XAB2: variants seen among roughly 807,000 people sequenced by gnomAD.
The protein encoded by XAB2 is XPA binding protein 2, also known as pre-mRNA-splicing factor SYF1.
Under a neutral mutation model 113.4 loss-of-function variants are expected in XAB2, and 57 were observed. That is an observed-to-expected ratio of 0.50 (90% CI 0.41 to 0.63). The LOEUF (loss-of-function observed/expected upper bound fraction) is 0.63, where lower values mean the gene tolerates loss of function less well. Ranked by LOEUF, XAB2 falls within the 20% of genes least tolerant of loss-of-function variation. The pLI is 0.00. For missense variants in XAB2, 1,037 were observed against 1,233.3 expected, an observed-to-expected ratio of 0.84 and a Z score of 2.38; for synonymous variants, 497 against 498.8, an observed-to-expected ratio of 1.00 and a Z score of 0.05.
chr19:7,620,820 C>T lies in XAB2; in HGVS notation c.1971+26G>A, dbSNP rs774244443. The T allele has an allele frequency of 2.9e-5, 46 of 1,564,392 alleles. No individual in the cohort carries two copies. In the South Asian group the frequency reaches 5.3e-4, roughly 18 times the overall value. The stretch of plus-strand genomic sequence containing the variant: ...TCCGTCTGCTCAGGGACCTCTGGCC[C>T]CGGCCCAGCCCCCCACGGTGGGTAC... On this transcript the variant is annotated intron_variant, in intron 14 of 18. Transcript: ENST00000358368.
At chr19:7,622,020 T>C (rs772801158) in intron 12 of XAB2, 3 of 309,498 alleles carry the variant, frequency 9.7e-6, no homozygotes, top group Non-Finnish European at 1.8e-5. Flanking sequence ...CCTAATCCAT[T>C]ATGACTGATG....
rs746021238 is a variant in XAB2, at chr19:7,621,106, ACCC to A, written c.1780+26_1780+28del. The A allele has an allele frequency of 3.0e-3, 2,066 of 682,680 alleles. 5 individuals carry two copies. Among genetic ancestry groups the A allele is most frequent in the Non-Finnish European group, 3.9e-3 (1,933 of 498,310 alleles). The allele number at this position is 682,680 out of a possible 1,614,324, so 42.3% of individuals were successfully genotyped here. A position where few individuals can be genotyped will look rare whatever the true frequency, so the allele number is the denominator to read the frequency against. On this transcript the variant is annotated intron_variant, in intron 13 of 18. Coordinates refer to ENST00000358368, the MANE Select transcript of XAB2 (RefSeq NM_020196.3). Reference sequence around the variant, plus strand: ...CAGTCAGAAACCCAGCCCGCCCGCCACCCCCCCCATGCCCTCTGCCCGCCTCAC... The same window carrying A: ...CAGTCAGAAACCCAGCCCGCCCGCCACCCCCATGCCCTCTGCCCGCCTCAC...
In XAB2 at chr19:7,627,587, C is replaced by T. The variant is rs1009357895; in HGVS notation, c.324+141G>A. The stretch of plus-strand genomic sequence containing the variant: ...AAACCCCCAGCTCCAGGACTGAGTC[C>T]AGCCCAACTTCCCATGCAAAGAAGC... On this transcript the variant is annotated intron_variant, in intron 3 of 18. Transcript: ENST00000358368. The surrounding 1 kb of genome is among the most constrained non-coding windows in gnomAD (Gnocchi z 4.5). 9.2e-6 allele frequency: 14 copies of T among 1,524,946 alleles called. No homozygotes were observed. In the Admixed American group the frequency reaches 2.5e-4, roughly 27 times the overall value. 94.5% of individuals were successfully genotyped at this position (1,524,946 alleles called of 1,614,324 possible). A position where few individuals can be genotyped will look rare whatever the true frequency, so the allele number is the denominator to read the frequency against.
In XAB2 at chr19:7,627,626, GC is replaced by G; in HGVS notation, c.324+101del. The G allele has an allele frequency of 6.4e-7, 1 of 1,557,478 alleles. No homozygotes were observed. The highest frequency in any genetic ancestry group is 8.7e-7 in the Non-Finnish European group (1 of 1,147,446). ...ATGCAAAGAAGCAACAGGAATCCAA[GC>G]CCCCATCCCTAACATGCTGAGCCCA... On this transcript the variant is annotated intron_variant, in intron 3 of 18. Transcript: ENST00000358368. The surrounding 1 kb of genome is among the most constrained non-coding windows in gnomAD (Gnocchi z 4.5).
intron 16 of XAB2, 37 bp from the exon 17 acceptor site, chr19:7,620,112 C>G: frequency 6.2e-7 from 1 of 1,603,990 alleles, no homozygotes; most frequent in Non-Finnish European, 8.5e-7. Context: ...GCCACGGGGG[C>G]CCCTCCCACA....
chr19:7,620,637 G>A lies in XAB2; in HGVS notation c.2004C>T (p.Cys668=). 1 of 1,613,084 alleles carries A rather than the reference G, an allele frequency of 6.2e-7. No individual in the cohort carries two copies. The highest frequency in any genetic ancestry group is 8.5e-7 in the Non-Finnish European group (1 of 1,179,958). ...TGCACTCCATGTCTGCAAACCGCAG[G>A]CACATCTCACGCGCGTGCTCGTCCG... The part of the protein sequence containing the change: ...VLSDEHAREM[C]LRFADMECKL... The change falls in exon 15 of 19, where the codon TGC becomes TGT. Residue 668 remains cysteine, a synonymous_variant. Transcript: ENST00000358368.
chr19:7,627,660 T>TCCCCCCCCCCC lies in XAB2; in HGVS notation c.324+67_324+68insGGGGGGGGGGG. ...CCTAACATGCTGAGCCCAGCCCCTG[T>TCCCCCCCCCCC]CCCCGCCCCACCCACCACCATGGAC... On this transcript the variant is annotated intron_variant, in intron 3 of 18. Transcript: ENST00000358368. This position sits in a 1 kb window ranked among gnomAD's most constrained non-coding sequence, Gnocchi z 4.5. 48 of 1,572,196 alleles carry TCCCCCCCCCCC rather than the reference T, an allele frequency of 3.1e-5. No individual in the cohort carries two copies. The highest frequency in any genetic ancestry group is 2.1e-4 in the Middle Eastern group (1 of 4,676).
Position 7,623,282 on chromosome 19 carries a change from T to G in XAB2, c.1127A>C (p.Asn376Thr). The change falls in exon 9 of 19, where the codon AAC (asparagine) becomes ACC (threonine). Residue 376 changes from asparagine (N) to threonine (T), a missense_variant. Coordinates refer to ENST00000358368, the MANE Select transcript of XAB2 (RefSeq NM_020196.3). The surrounding 1 kb of genome is among the most constrained non-coding windows in gnomAD (Gnocchi z 4.6). ...CGTCTGCACAGCCTCTGTGTAGGTG[T>G]TGATGATCTGGGGACAGGAGGGAGG... ...LHQGRPREII[N>T]TYTEAVQTVD... is the part of the protein sequence containing the mutation. 1 of 1,613,420 alleles carries G rather than the reference T, an allele frequency of 6.2e-7. No homozygotes were observed.
rs745659658 is a variant in XAB2 at position 7,619,602 on chromosome 19, C to G, written c.2552G>C (p.Ser851Thr). ...AGGGACGGGTCAGTCTTCCTTCAGG[C>G]TCCCAAACACTGCGGCTGGCACGCT... ...QQSVPAAVFG[S>T]LKED is the part of the protein sequence containing the mutation. The change falls in exon 19 of 19, where the codon AGC becomes ACC. Residue 851 changes from serine to threonine, a missense_variant. Ser to Thr is a moderately conservative substitution (Grantham distance 58, BLOSUM62 1). Transcript: ENST00000358368. The G allele has an allele frequency of 6.3e-7, 1 of 1,599,696 alleles. No homozygotes were observed.
rs1162284949 is a variant in XAB2 at position 7,624,788 on chromosome 19, G to A, written c.823-343C>T. Among the ~76,000 whole-genome samples, 1 of 152,160 alleles carries A rather than the reference G, an allele frequency of 6.6e-6. No individual in the cohort carries two copies. Among genetic ancestry groups the A allele is most frequent in the African/African-American group, 2.4e-5 (1 of 41,432 alleles). ...CCCCCAGCGCCTATGGGTCCACCCT[G>A]CAGGGACCCTCGCCTCAGCTCATCC... On this transcript the variant is annotated intron_variant, in intron 6 of 18. Coordinates refer to ENST00000358368, the MANE Select transcript of XAB2 (RefSeq NM_020196.3). This position sits in a 1 kb window ranked among gnomAD's most constrained non-coding sequence, Gnocchi z 4.2.
In XAB2 at chr19:7,628,135, T is replaced by C; in HGVS notation, c.200+15A>G. On this transcript the variant is annotated intron_variant, in intron 2 of 18. Transcript: ENST00000358368. The surrounding 1 kb of genome is among the most constrained non-coding windows in gnomAD (Gnocchi z 4.6). The stretch of plus-strand genomic sequence containing the variant: ...GGTGGGGGCTGGTGGGCAGGGCAGC[T>C]GGAGCCATTCCCACCTGCAGGGCAG... 1 of 1,608,496 alleles carries C rather than the reference T, an allele frequency of 6.2e-7. No individual in the cohort carries two copies.
rs545509875 is a variant in XAB2 at position 7,628,320 on chromosome 19, A to G, written c.52-22T>C. On this transcript the variant is annotated intron_variant, in intron 1 of 18. Coordinates refer to ENST00000358368, the MANE Select transcript of XAB2 (RefSeq NM_020196.3). This position sits in a 1 kb window ranked among gnomAD's most constrained non-coding sequence, Gnocchi z 4.6. ...CCTCCTGCCAGGGCCAGGGAATGGG[A>G]AGAAGAGAGGCCTACCCTCAGAGCC... 3 of 1,613,572 alleles carry G rather than the reference A, an allele frequency of 1.9e-6. No homozygotes were observed. The South Asian group carries it at 3.3e-5, about 18-fold the overall frequency.
Position 7,628,002 on chromosome 19 carries a change from G to A in XAB2, c.200+148C>T, listed in dbSNP as rs780577064. The A allele has an allele frequency of 1.0e-5, 15 of 1,459,754 alleles. No homozygotes were observed. The Admixed American group carries it at 2.8e-4, about 27-fold the overall frequency. 90.4% of individuals were successfully genotyped at this position (1,459,754 alleles called of 1,614,324 possible). A position where few individuals can be genotyped will look rare whatever the true frequency, so the allele number is the denominator to read the frequency against. On this transcript the variant is annotated intron_variant, in intron 2 of 18. Coordinates refer to ENST00000358368, the MANE Select transcript of XAB2 (RefSeq NM_020196.3). This position sits in a 1 kb window ranked among gnomAD's most constrained non-coding sequence, Gnocchi z 4.6. ...GACAGGGACAGACTGGGACATCAGA[G>A]AAGGTGTGCTGACCCATCAAGGGAT...
chr19:7,619,595 C>A lies in XAB2; in HGVS notation c.2559G>T (p.Lys853Asn). 6.3e-7 allele frequency: 1 copy of A among 1,596,480 alleles called. No individual in the cohort carries two copies. The highest frequency in any genetic ancestry group is 8.5e-7 in the Non-Finnish European group (1 of 1,171,396). ...SVPAAVFGSLKED is the reference protein window; with the variant it reads ...SVPAAVFGSLNED Reference sequence around the variant, plus strand: ...ATGGGGGAGGGACGGGTCAGTCTTCCTTCAGGCTCCCAAACACTGCGGCTG... The same window carrying A: ...ATGGGGGAGGGACGGGTCAGTCTTCATTCAGGCTCCCAAACACTGCGGCTG... The change falls in exon 19 of 19, where the codon AAG becomes AAT. Residue 853 changes from lysine (K) to asparagine (N), a missense_variant. By Grantham distance (94) the Lys-to-Asn change is moderately conservative. Coordinates refer to ENST00000358368, the MANE Select transcript of XAB2 (RefSeq NM_020196.3).
chr19:7,624,375 C>T lies in XAB2; in HGVS notation c.893G>A (p.Ser298Asn). Reference sequence around the variant, plus strand: ...CATGCTCTCCTCGAACTGGGCGTAGCTGTCAAACACCTGTGTGAAGTCCCG... The same window carrying T: ...CATGCTCTCCTCGAACTGGGCGTAGTTGTCAAACACCTGTGTGAAGTCCCG... Reference protein sequence around the residue: ...TVRDFTQVFDSYAQFEESMIA... With the variant: ...TVRDFTQVFDNYAQFEESMIA... The change falls in exon 7 of 19, where the codon AGC becomes AAC. Residue 298 changes from serine to asparagine, a missense_variant. By Grantham distance (46) the Ser-to-Asn change is conservative (BLOSUM62 1). Transcript: ENST00000358368. This position sits in a 1 kb window ranked among gnomAD's most constrained non-coding sequence, Gnocchi z 4.2. 6.2e-7 allele frequency: 1 copy of T among 1,614,206 alleles called. No homozygotes were observed. The highest frequency in any genetic ancestry group is 8.5e-7 in the Non-Finnish European group (1 of 1,180,024).
rs1038509299 is a variant in XAB2, at chr19:7,620,361, C to T, written c.2180G>A (p.Arg727Gln). Residue 727 changes from arginine to glutamine, a missense_variant, in exon 16 of 19, where the codon CGG (arginine) becomes CAG (glutamine). Arg to Gln is a conservative substitution (Grantham distance 43). Coordinates refer to ENST00000358368, the MANE Select transcript of XAB2 (RefSeq NM_020196.3). ...GTTGTACGTGGCCTGCACGCTGCGC[C>T]GGATACGCAGCATTTCCTTGATGGT... The part of the protein sequence containing the change: ...EDTIKEMLRI[R>Q]RSVQATYNTQ... 7 of 1,613,374 alleles carry T rather than the reference C, an allele frequency of 4.3e-6. No homozygotes were observed. The highest frequency in any genetic ancestry group is 1.1e-5 in the South Asian group (1 of 91,090).
At position 7,620,623 on chromosome 19, in the gene XAB2, T is replaced by C. The variant is rs2031011039; in HGVS notation, c.2018A>G (p.Asp673Gly). 5.0e-6 allele frequency: 8 copies of C among 1,613,212 alleles called. No homozygotes were observed. The highest frequency in any genetic ancestry group is 6.8e-6 in the Non-Finnish European group (8 of 1,179,948). Reference sequence around the variant, plus strand: ...AATCTCCCCGAGCTTGCACTCCATGTCTGCAAACCGCAGGCACATCTCACG... The same window carrying C: ...AATCTCCCCGAGCTTGCACTCCATGCCTGCAAACCGCAGGCACATCTCACG... ...HAREMCLRFA[D>G]MECKLGEIDR... Residue 673 changes from aspartate (D) to glycine (G), a missense_variant, in exon 15 of 19, where the codon GAC becomes GGC. Transcript: ENST00000358368.
At position 7,621,311 on chromosome 19, in the gene XAB2, G is replaced by T; in HGVS notation, c.1618-14C>A. ...GCGCTCGTACGCCTGTTACCAGAGG[G>T]AGAGTCACATGTGAGAGTCTGCAGA... is the stretch of plus-strand genomic sequence containing the variant. On this transcript the variant is annotated splice_polypyrimidine_tract_variant and intron_variant, in intron 12 of 18. Transcript: ENST00000358368. The T allele has an allele frequency of 3.1e-6, 5 of 1,611,036 alleles. No homozygotes were observed. Among genetic ancestry groups the T allele is most frequent in the Non-Finnish European group, 4.2e-6 (5 of 1,178,636 alleles).
rs768897087 is a variant in XAB2, at chr19:7,621,249, T to C, written c.1666A>G (p.Ile556Val). 3 of 1,613,144 alleles carry C rather than the reference T, an allele frequency of 1.9e-6. No homozygotes were observed. The highest frequency in any genetic ancestry group is 2.2e-5 in the East Asian group (1 of 44,876). ...AATTTGGTCAGGTAGGTGCTCCAGA[T>C]GTCGGACACGTTGGGCCACTTGAAC... ...SLFKWPNVSD[I>V]WSTYLTKFIA... The change falls in exon 13 of 19, where the codon ATC becomes GTC. Residue 556 changes from isoleucine to valine, a missense_variant. Physicochemically the swap from Ile to Val is conservative, Grantham distance 29 (BLOSUM62 3). Coordinates refer to ENST00000358368, the MANE Select transcript of XAB2 (RefSeq NM_020196.3).
Sources: allele counts gnomAD v4.1 joint callset (sites outside exome capture counted in the v4.1 genomes callset), GRCh38; gene constraint gnomAD v4.1.1; non-coding constraint Gnocchi (gnomAD v3.1); transcripts MANE v1.5; gene names NCBI Gene and HGNC (gene_info 2026-07-23, HGNC 2026-07-21).